TAF1A: variants seen among roughly 807,000 people sequenced by gnomAD.
TAF1A encodes the protein TATA-box binding protein associated factor, RNA polymerase I subunit A.
Under a neutral mutation model 61.6 loss-of-function variants are expected in TAF1A, and 42 were observed. The ratio of observed to expected loss-of-function variants is 0.68; its 90% CI spans 0.53 to 0.88. The LOEUF (loss-of-function observed/expected upper bound fraction) is 0.88. Ranked by LOEUF, TAF1A falls within the 40% of genes least tolerant of loss-of-function variation. The pLI is 0.00. For synonymous variants in TAF1A, 179 were observed against 177.7 expected, an observed-to-expected ratio of 1.01 and a Z score of -0.06; for missense variants, 424 against 518.7, an observed-to-expected ratio of 0.82 and a Z score of 1.77.
downstream of TAF1A, among the ~76,000 whole-genome samples, chr1:222,554,143 T>C (rs1659702526): frequency 6.6e-6 from 1 of 152,238 alleles, no homozygotes; most frequent in East Asian, 1.9e-4. Context: ...TTGGAAAAAT[T>C]TGTCTGATGC....
chr1:222,582,168 C>T (rs1003075036), intron 3 of TAF1A, among the ~76,000 whole-genome samples: 6 of 152,080 alleles, frequency 3.9e-5, no homozygotes, highest in Non-Finnish European at 8.8e-5. Context: ...TTTTTGAATT[C>T]GGAATGCTCC....
At chr1:222,554,248 C>T (rs1428515354), downstream of TAF1A, among the ~76,000 whole-genome samples, 1 of 152,156 alleles carries the variant, frequency 6.6e-6, no homozygotes, top group Non-Finnish European at 1.5e-5. Flanking sequence ...TGTAATTAAA[C>T]AACTGGCAGT....
At chr1:222,572,712 C>T (rs1255308622) in intron 5 of TAF1A, among the ~76,000 whole-genome samples, 2 of 152,096 alleles carry the variant, frequency 1.3e-5, no homozygotes, top group East Asian at 1.9e-4. Flanking sequence ...AAATAATAGA[C>T]TTTTCAATAA....
intron 5 of TAF1A, among the ~76,000 whole-genome samples, chr1:222,574,234 G>A (rs1426095828): frequency 1.3e-5 from 2 of 151,950 alleles, no homozygotes; most frequent in African/African-American, 4.8e-5. Context: ...ATTTTAAGTG[G>A]GTGAATTTGT....
chr1:222,558,569 G>A lies in TAF1A; in HGVS notation c.*91C>T. 1 of 525,336 alleles carries A rather than the reference G, an allele frequency of 1.9e-6. No individual in the cohort carries two copies. The highest frequency in any genetic ancestry group is 3.1e-6 in the Non-Finnish European group (1 of 322,244). 32.5% of individuals were successfully genotyped at this position (525,336 alleles called of 1,614,324 possible). A position where few individuals can be genotyped will look rare whatever the true frequency, so the allele number is the denominator to read the frequency against. Reference sequence around the variant, plus strand: ...AAATAAGTTTTTTGTAGTAATATAAGCTTCTTAATACACTACATAAATACA... The same window carrying A: ...AAATAAGTTTTTTGTAGTAATATAAACTTCTTAATACACTACATAAATACA... On this transcript the variant is annotated 3_prime_UTR_variant, in exon 11 of 11. Transcript: ENST00000352967.
intron 5 of TAF1A, among the ~76,000 whole-genome samples, chr1:222,575,661 T>A (rs2936034): frequency 0.21 from 31,420 of 152,120 alleles, 4,211 homozygotes; most frequent in African/African-American, 0.39. Context: ...TGACTCCAAG[T>A]ACAAGTTCAC....
chr1:222,561,392 A>T lies in TAF1A; in HGVS notation c.1212T>A (p.Ala404=). Reference sequence around the variant, plus strand: ...TTCCTAACAGTAAACCAGCCACAAAAGCTTTCTCACAGGCCAAAGCTGTAT... The same window carrying T: ...TTCCTAACAGTAAACCAGCCACAAATGCTTTCTCACAGGCCAAAGCTGTAT... The part of the protein sequence containing the change: ...KEDTALACEK[A]FVAGLLLGKG... The change falls in exon 10 of 11, where the codon GCT becomes GCA. Residue 404 remains alanine (A), a synonymous_variant. Coordinates refer to ENST00000352967, the MANE Select transcript of TAF1A (RefSeq NM_005681.4). 1.2e-6 allele frequency: 2 copies of T among 1,607,338 alleles called. No homozygotes were observed. The highest frequency in any genetic ancestry group is 1.7e-6 in the Non-Finnish European group (2 of 1,177,744).
chr1:222,561,287 T>G, intron 10 of TAF1A, 77 bp downstream of exon 10: 1 of 1,455,226 alleles, frequency 6.9e-7, no homozygotes, highest in Non-Finnish European at 9.3e-7. Context: ...TTAGGTAAGC[T>G]CTAAATGAAG....
chr1:222,578,282 A>T (rs1660650954), intron 4 of TAF1A, among the ~76,000 whole-genome samples: 1 of 152,216 alleles, frequency 6.6e-6, no homozygotes, highest in Admixed American at 6.5e-5. Flanking sequence ...ACAATTAATC[A>T]TATGGGTAGA....
chr1:222,588,330 C>A, intron 2 of TAF1A, 113 bp downstream of exon 2: 31 of 1,324,464 alleles, frequency 2.3e-5, no homozygotes, highest in East Asian at 1.2e-4. Flanking sequence ...GCCAAAAAAC[C>A]CTCCACATAT....
At chr1:222,581,688 A>T (rs1044434874) in intron 3 of TAF1A, among the ~76,000 whole-genome samples, 1 of 152,236 alleles carries the variant, frequency 6.6e-6, no homozygotes, top group African/African-American at 2.4e-5. Flanking sequence ...TAGTCAAAGT[A>T]GGCCTCAATG....
Position 222,569,494 on chromosome 1 carries a change from G to A in TAF1A, c.894+16C>T. 6.2e-7 allele frequency: 1 copy of A among 1,613,460 alleles called. No individual in the cohort carries two copies. The highest frequency in any genetic ancestry group is 8.5e-7 in the Non-Finnish European group (1 of 1,179,760). ...ATTCCCAACCCTGGTCAAACATCGA[G>A]ATAAAAATTCTATACCTTAAGCACA... On this transcript the variant is annotated intron_variant, in intron 7 of 10. Coordinates refer to ENST00000352967, the MANE Select transcript of TAF1A (RefSeq NM_005681.4).
At chr1:222,561,587 T>G in intron 9 of TAF1A, 69 bp from the exon 10 acceptor site, 1 of 1,397,582 alleles carries the variant, frequency 7.2e-7, no homozygotes, top group Non-Finnish European at 9.6e-7. Flanking sequence ...GAATTTAGAC[T>G]TAACTAGAGT....
chr1:222,583,460 G>C (rs1371048255), intron 3 of TAF1A, among the ~76,000 whole-genome samples: 1 of 151,510 alleles, frequency 6.6e-6, no homozygotes, highest in African/African-American at 2.4e-5. Flanking sequence ...TGGAAAAAGA[G>C]AACAACTCTT....
intron 1 of TAF1A, among the ~76,000 whole-genome samples, 176 bp downstream of exon 1, chr1:222,589,551 T>C (rs1438311630): frequency 6.6e-6 from 1 of 152,164 alleles, no homozygotes; most frequent in African/African-American, 2.4e-5. Context: ...AAAACCCAAA[T>C]TGGTGACCCG....
chr1:222,555,916 G>C (rs1028605248), downstream of TAF1A, among the ~76,000 whole-genome samples: 1 of 152,030 alleles, frequency 6.6e-6, no homozygotes, highest in Non-Finnish European at 1.5e-5. Flanking sequence ...TAGTCGTGAC[G>C]AATGGTTATA....
chr1:222,556,516 T>C (rs991291609), downstream of TAF1A, among the ~76,000 whole-genome samples: 1 of 152,172 alleles, frequency 6.6e-6, no homozygotes, highest in Non-Finnish European at 1.5e-5. Flanking sequence ...AATGACCTCA[T>C]TTTCTTTATT....
intron 7 of TAF1A, among the ~76,000 whole-genome samples, chr1:222,564,919 T>A (rs1660058579): frequency 6.6e-6 from 1 of 152,220 alleles, no homozygotes; most frequent in Non-Finnish European, 1.5e-5. Flanking sequence ...TGAAATTCAG[T>A]TCCTATGAAA....
At chr1:222,573,986 A>AG (rs1660464594) in intron 5 of TAF1A, among the ~76,000 whole-genome samples, 2 of 2,044 alleles carry the variant, frequency 9.8e-4, no homozygotes, top group Non-Finnish European at 2.4e-3. Flanking sequence ...ATTTTCTGTT[A>AG]GGGAAAAAAA....
Sources: gnomAD v4.1 joint callset for allele counts (sites outside exome capture counted in the v4.1 genomes callset) on GRCh38, gnomAD v4.1.1 for gene constraint, MANE v1.5 for transcripts, NCBI Gene and HGNC (gene_info 2026-07-23, HGNC 2026-07-21) for gene names.